The following MYRIP variants were observed in gnomAD, a reference collection of about 807,000 sequenced individuals.
The protein encoded by MYRIP is rab effector MyRIP.
In MYRIP, 49 loss-of-function variants were observed where a neutral mutation model predicts 98.0. The ratio of observed to expected loss-of-function variants is 0.50; its 90% CI spans 0.40 to 0.63. The LOEUF is 0.63. MYRIP is among the 30% of genes least tolerant of loss of function. The probability of loss-of-function intolerance (pLI) is 0.00; values close to 1 mark genes in which losing one functional copy is unlikely to be tolerated. For missense variants in MYRIP, 1,004 were observed against 1,058.2 expected, an observed-to-expected ratio of 0.95 and a Z score of 0.71; for synonymous variants, 404 against 409.5, an observed-to-expected ratio of 0.99 and a Z score of 0.16.
intron 2 of MYRIP, among the ~76,000 whole-genome samples, chr3:40,036,506 A>G (rs1947389772): frequency 6.6e-6 from 1 of 152,020 alleles, no homozygotes; most frequent in Non-Finnish European, 1.5e-5. Context: ...GGGCAACAAA[A>G]TTGTTAAATG....
chr3:39,867,716 G>A (rs540725382), intron 1 of MYRIP, among the ~76,000 whole-genome samples: 1 of 152,236 alleles, frequency 6.6e-6, no homozygotes, highest in South Asian at 2.1e-4. Context: ...AAATTGGTAC[G>A]GCCATTATGG....
intron 3 of MYRIP, among the ~76,000 whole-genome samples, chr3:40,142,019 A>ATAGATTGCTCTG (rs1349576791): frequency 6.8e-6 from 1 of 146,204 alleles, no homozygotes; most frequent in African/African-American, 2.5e-5. Context: ...CATTGAACCT[A>ATAGATTGCTCTG]TAGATTGCTC....
chr3:40,049,611 C>T (rs1329981553), intron 3 of MYRIP, among the ~76,000 whole-genome samples: 2 of 151,622 alleles, frequency 1.3e-5, no homozygotes, highest in African/African-American at 4.8e-5. Flanking sequence ...ACTAATGGCC[C>T]TATAATGGCC....
At chr3:40,057,784 C>G (rs1388391192) in intron 3 of MYRIP, among the ~76,000 whole-genome samples, 1 of 152,182 alleles carries the variant, frequency 6.6e-6, no homozygotes, top group Non-Finnish European at 1.5e-5. Flanking sequence ...GGGTTCTTTT[C>G]CATCCTATAT....
intron 3 of MYRIP, chr3:40,100,264 TTAAG>T (rs1457625466): frequency 1.0e-6 from 1 of 985,230 alleles, no homozygotes; most frequent in East Asian, 1.1e-4. Flanking sequence ...ATTTTAATAA[TTAAG>T]CAACATTGAC....
chr3:40,209,931 G>T lies in MYRIP; in HGVS notation c.1743G>T (p.Glu581Asp), dbSNP rs781112493. Residue 581 changes from glutamate to aspartate, a missense_variant, in exon 11 of 17, where the codon GAG becomes GAT. This residue lies in a region of MYRIP where 880 missense variants were observed against 907.7 expected (regional missense o/e 0.97). Transcript: ENST00000302541. The part of the protein sequence containing the change: ...DPQTLTDTTE[E>D]KRRNRLYELA... ...AGACTCTCACAGACACCACAGAGGA[G>T]AAACGGAGAAACAGGCTGTACGAGT... 1.2e-6 allele frequency: 2 copies of T among 1,613,816 alleles called. No homozygotes were observed. The highest frequency in any genetic ancestry group is 1.7e-6 in the Non-Finnish European group (2 of 1,179,846).
intron 2 of MYRIP, among the ~76,000 whole-genome samples, chr3:40,005,439 C>A (rs1449828536): frequency 1.3e-5 from 2 of 152,240 alleles, no homozygotes; most frequent in Admixed American, 1.3e-4. Flanking sequence ...TAGGTCCATT[C>A]TCTGGCTTTA....
chr3:40,183,319 T>C (rs1950941339), intron 9 of MYRIP, among the ~76,000 whole-genome samples: 1 of 152,186 alleles, frequency 6.6e-6, no homozygotes, highest in Admixed American at 6.5e-5. Flanking sequence ...GAGGAAGGCA[T>C]TGATGTTTGC....
chr3:39,958,070 A>G (rs1483814206), intron 2 of MYRIP, among the ~76,000 whole-genome samples: 2 of 152,142 alleles, frequency 1.3e-5, no homozygotes, highest in African/African-American at 2.4e-5. Flanking sequence ...CTCATGGATA[A>G]GAAGAATCAA....
At chr3:40,082,333 A>G (rs1309875520) in intron 3 of MYRIP, among the ~76,000 whole-genome samples, 1 of 152,228 alleles carries the variant, frequency 6.6e-6, no homozygotes, top group Non-Finnish European at 1.5e-5. Flanking sequence ...GAGCCAAGAT[A>G]TGGAATCAGC....
At chr3:39,926,571 C>T (rs1944425210) in intron 2 of MYRIP, among the ~76,000 whole-genome samples, 1 of 152,060 alleles carries the variant, frequency 6.6e-6, no homozygotes, top group South Asian at 2.1e-4. Context: ...GCTATTCCAG[C>T]AACATGTATT....
chr3:40,052,542 T>A (rs9860449), intron 3 of MYRIP, among the ~76,000 whole-genome samples: 44,475 of 152,100 alleles, frequency 0.29, 6,597 homozygotes, highest in South Asian at 0.36. Context: ...AGTAGTTTTT[T>A]AAATTAAATT....
chr3:39,979,249 A>G (rs1381660103), intron 2 of MYRIP, among the ~76,000 whole-genome samples: 2 of 152,182 alleles, frequency 1.3e-5, no homozygotes, highest in African/African-American at 4.8e-5. Context: ...CCTCCTGAAT[A>G]GCTGGGATAT....
intron 1 of MYRIP, among the ~76,000 whole-genome samples, chr3:39,884,496 GC>G (rs2125648718): frequency 6.6e-6 from 1 of 152,158 alleles, no homozygotes; most frequent in South Asian, 2.1e-4. Context: ...ATGTGGATGG[GC>G]CCCCATCCAG....
chr3:40,216,175 G>A (rs1252642155), intron 11 of MYRIP, among the ~76,000 whole-genome samples: 1 of 152,198 alleles, frequency 6.6e-6, no homozygotes, highest in Non-Finnish European at 1.5e-5. Context: ...TTACCTGGAA[G>A]GCCAGGATAA....
intron 2 of MYRIP, among the ~76,000 whole-genome samples, chr3:40,041,524 A>G (rs1947531749): frequency 1.3e-5 from 2 of 150,582 alleles, no homozygotes; most frequent in Non-Finnish European, 3.0e-5. Context: ...AAACTGAGGA[A>G]CATTCGACAA....
chr3:39,889,586 G>T (rs1575348997), intron 1 of MYRIP, among the ~76,000 whole-genome samples: 1 of 152,176 alleles, frequency 6.6e-6, no homozygotes, highest in Non-Finnish European at 1.5e-5. Context: ...GCTAGATGAC[G>T]AGTTAGTGGG....
At chr3:39,827,355 C>G (rs1397472633) in intron 1 of MYRIP, among the ~76,000 whole-genome samples, 6 of 152,180 alleles carry the variant, frequency 3.9e-5, no homozygotes, top group Non-Finnish European at 7.4e-5. Context: ...TCAAGCGATC[C>G]TCCCATCTTG....
intron 13 of MYRIP, among the ~76,000 whole-genome samples, chr3:40,245,231 A>C (rs1256571170): frequency 6.6e-6 from 1 of 152,230 alleles, no homozygotes; most frequent in African/African-American, 2.4e-5. Flanking sequence ...GGCTGTTTGA[A>C]GTTTTCACAG....
Sources: gnomAD v4.1 joint callset for allele counts (sites outside exome capture counted in the v4.1 genomes callset) on GRCh38, gnomAD v4.1.1 for gene constraint, gnomAD v4.1.1 regional missense constraint, MANE v1.5 for transcripts, NCBI Gene and HGNC (gene_info 2026-07-23, HGNC 2026-07-21) for gene names.